The following RALGAPA2 variants were observed in gnomAD, a reference collection of about 807,000 sequenced individuals.
The protein encoded by RALGAPA2 is ral GTPase-activating protein subunit alpha-2.
A neutral mutation model predicts 230.4 loss-of-function variants in RALGAPA2; 139 were observed. The observed-to-expected ratio is 0.60, with a 90% confidence interval of 0.53 to 0.69. The LOEUF (loss-of-function observed/expected upper bound fraction) is 0.69, where lower values mean the gene tolerates loss of function less well. Among genes scored for constraint, RALGAPA2 ranks in the 30% least tolerant of loss-of-function variants. The probability of loss-of-function intolerance (pLI) is 0.00; values close to 1 mark genes in which losing one functional copy is unlikely to be tolerated. For missense variants in RALGAPA2, 2,163 were observed against 2,276.0 expected (o/e 0.95, Z 1.01); for synonymous variants, 847 against 837.8 (o/e 1.01, Z -0.19).
At chr20:20,590,335 A>T (rs2065251711) in intron 17 of RALGAPA2, among the ~76,000 whole-genome samples, 1 of 152,194 alleles carries the variant, frequency 6.6e-6, no homozygotes, top group Non-Finnish European at 1.5e-5. Context: ...CTTATACAAA[A>T]CCTTTCAAAA....
Position 20,653,195 on chromosome 20 carries a change from C to CAA in RALGAPA2, c.328+333_328+334dup, listed in dbSNP as rs60906434. ...TAGGCGACAGAGCAAGACTCCATCT[C>CAA]AAAAAAAAAAAAAAAAAAAAAAAAA... On this transcript the variant is annotated intron_variant, in intron 4 of 39. Transcript: ENST00000202677. 3.6e-3 allele frequency among the ~76,000 whole-genome samples: 99 copies of CAA among 27,518 alleles called. 6 individuals carry two copies. The highest frequency in any genetic ancestry group is 4.5e-3 in the Non-Finnish European group (58 of 13,028). The allele number at this position is 27,518 out of a possible 152,430, so 18.1% of individuals were successfully genotyped here. A position where few individuals can be genotyped will look rare whatever the true frequency, so the allele number is the denominator to read the frequency against.
chr20:20,478,792 C>T (rs1413344082), intron 36 of RALGAPA2, among the ~76,000 whole-genome samples: 1 of 151,726 alleles, frequency 6.6e-6, no homozygotes, highest in East Asian at 1.9e-4. Context: ...CATTCATACC[C>T]CAAACCTCAG....
At chr20:20,660,642 A>C (rs988506546) in intron 3 of RALGAPA2, among the ~76,000 whole-genome samples, 2 of 152,204 alleles carry the variant, frequency 1.3e-5, no homozygotes, top group African/African-American at 4.8e-5. Context: ...AGTAAAGTGA[A>C]AAGTAAAGCT....
At chr20:20,689,041 T>C (rs988870178) in intron 1 of RALGAPA2, among the ~76,000 whole-genome samples, 4 of 152,336 alleles carry the variant, frequency 2.6e-5, no homozygotes, top group South Asian at 4.1e-4. Context: ...AAGTTACCAA[T>C]AGCATTCATA....
At chr20:20,627,755 C>T (rs932720591) in intron 10 of RALGAPA2, among the ~76,000 whole-genome samples, 2 of 152,164 alleles carry the variant, frequency 1.3e-5, no homozygotes, top group African/African-American at 2.4e-5. Context: ...GTGGTATATC[C>T]GCTGCCAGTA....
intron 38 of RALGAPA2, among the ~76,000 whole-genome samples, chr20:20,397,521 C>T (rs1392842555): frequency 8.3e-6 from 1 of 120,988 alleles, no homozygotes; most frequent in Non-Finnish European, 2.0e-5. Flanking sequence ...AGTAGCTTCT[C>T]CTGAACTCTC....
At chr20:20,511,048 C>T (rs2062690256) in intron 33 of RALGAPA2, among the ~76,000 whole-genome samples, 1 of 152,090 alleles carries the variant, frequency 6.6e-6, no homozygotes, top group Non-Finnish European at 1.5e-5. Flanking sequence ...GGAGTGGTGA[C>T]CTCTTTTTAG....
At chr20:20,455,930 A>G (rs887157486) in intron 37 of RALGAPA2, among the ~76,000 whole-genome samples, 2 of 152,230 alleles carry the variant, frequency 1.3e-5, no homozygotes, top group Non-Finnish European at 2.9e-5. Flanking sequence ...AAAGCAATAT[A>G]AAATTAGGAT....
At chr20:20,550,831 G>C (rs1407427929) in intron 23 of RALGAPA2, among the ~76,000 whole-genome samples, 1 of 152,156 alleles carries the variant, frequency 6.6e-6, no homozygotes, top group Non-Finnish European at 1.5e-5. Context: ...AAGTAGAATA[G>C]CAAGTAAATA....
chr20:20,674,019 G>A (rs1171631269), intron 3 of RALGAPA2, among the ~76,000 whole-genome samples: 4 of 151,790 alleles, frequency 2.6e-5, no homozygotes, highest in African/African-American at 9.7e-5. Flanking sequence ...GAGACCCTAT[G>A]TCTACAACAA....
intron 37 of RALGAPA2, among the ~76,000 whole-genome samples, chr20:20,451,501 C>T (rs972535156): frequency 2.0e-5 from 3 of 152,202 alleles, no homozygotes; most frequent in Non-Finnish European, 4.4e-5. Context: ...AGACTGGCTA[C>T]AAAACACTTA....
chr20:20,694,317 G>A (rs1342050168), intron 1 of RALGAPA2, among the ~76,000 whole-genome samples: 1 of 152,138 alleles, frequency 6.6e-6, no homozygotes, highest in South Asian at 2.1e-4. Flanking sequence ...AAGTACACCA[G>A]AGCCAGTTTG....
intron 31 of RALGAPA2, among the ~76,000 whole-genome samples, chr20:20,514,316 T>G (rs1378766763): frequency 6.6e-6 from 1 of 151,864 alleles, no homozygotes; most frequent in African/African-American, 2.4e-5. Flanking sequence ...GGACTGGTAG[T>G]CTGAGCTGCT....
chr20:20,492,941 AAAGT>A (rs2062101262), intron 36 of RALGAPA2, among the ~76,000 whole-genome samples: 1 of 152,232 alleles, frequency 6.6e-6, no homozygotes, highest in South Asian at 2.1e-4. Context: ...CAATATAACA[AAAGT>A]AACAGCTATC....
intron 16 of RALGAPA2, among the ~76,000 whole-genome samples, chr20:20,600,884 G>A (rs934846006): frequency 1.3e-5 from 2 of 152,120 alleles, no homozygotes; most frequent in Non-Finnish European, 2.9e-5. Context: ...GGCAGATCAC[G>A]AGGTCAGGAA....
chr20:20,585,851 G>C (rs1325548680), intron 18 of RALGAPA2, among the ~76,000 whole-genome samples: 1 of 151,768 alleles, frequency 6.6e-6, no homozygotes, highest in Admixed American at 6.6e-5. Flanking sequence ...TTCAAGTGGG[G>C]AACAAGATGT....
chr20:20,633,694 G>A (rs940383966), intron 9 of RALGAPA2, among the ~76,000 whole-genome samples: 7 of 151,582 alleles, frequency 4.6e-5, no homozygotes, highest in Non-Finnish European at 1.0e-4. Flanking sequence ...TAGCAAGGAT[G>A]GTCTCGATCT....
At chr20:20,482,700 G>C (rs1393200951) in intron 36 of RALGAPA2, among the ~76,000 whole-genome samples, 1 of 152,202 alleles carries the variant, frequency 6.6e-6, no homozygotes, top group Non-Finnish European at 1.5e-5. Flanking sequence ...CAGAGCTCCT[G>C]AGGGATTCCT....
At chr20:20,444,993 C>T (rs1040824363) in intron 37 of RALGAPA2, among the ~76,000 whole-genome samples, 6 of 152,118 alleles carry the variant, frequency 3.9e-5, no homozygotes, top group Admixed American at 6.5e-5. Context: ...TGCCTGTGTT[C>T]GAGTAACTCT....
Sources: gnomAD v4.1 joint callset for allele counts (sites outside exome capture counted in the v4.1 genomes callset) on GRCh38, gnomAD v4.1.1 for gene constraint, MANE v1.5 for transcripts, NCBI Gene and HGNC (gene_info 2026-07-23, HGNC 2026-07-21) for gene names.